PARD3: variants seen among roughly 807,000 people sequenced by gnomAD.
The protein encoded by PARD3 is partitioning defective 3 homolog.
In PARD3, 75 loss-of-function variants were observed where a neutral mutation model predicts 155.4. The observed-to-expected ratio is 0.48, with a 90% CI of 0.40 to 0.58. The LOEUF (loss-of-function observed/expected upper bound fraction) is 0.58, where lower values mean the gene tolerates loss of function less well. PARD3 is among the 20% of genes least tolerant of loss of function. The pLI, the probability that PARD3 is intolerant of heterozygous loss-of-function variation, is 0.00. For missense variants in PARD3, 1,642 were observed against 1,721.7 expected, an observed-to-expected ratio of 0.95 and a Z score of 0.82; for synonymous variants, 576 against 610.5, an observed-to-expected ratio of 0.94 and a Z score of 0.83.
intron 2 of PARD3, among the ~76,000 whole-genome samples, chr10:34,571,269 A>C (rs1439167033): frequency 6.6e-6 from 1 of 152,150 alleles, no homozygotes; most frequent in Admixed American, 6.6e-5. Flanking sequence ...AGCTATGATC[A>C]CCTCACTGCA....
intron 22 of PARD3, among the ~76,000 whole-genome samples, chr10:34,230,497 T>C (rs953029807): frequency 2.7e-4 from 41 of 152,136 alleles, no homozygotes; most frequent in African/African-American, 9.4e-4. Context: ...CTGAAAGTTT[T>C]CCATACCTAG....
intron 5 of PARD3, among the ~76,000 whole-genome samples, chr10:34,429,552 C>CAGTTTAGTTTTGTTT (rs577728672): frequency 7.4e-6 from 1 of 134,426 alleles, no homozygotes; most frequent in African/African-American, 3.0e-5. Flanking sequence ...CACTCTAACT[C>CAGTTTAGTTTTGTTT]AGTTTTGTTT....
At chr10:34,355,255 A>G (rs1160467227) in intron 14 of PARD3, among the ~76,000 whole-genome samples, 1 of 152,088 alleles carries the variant, frequency 6.6e-6, no homozygotes, top group Non-Finnish European at 1.5e-5. Context: ...TGAGCATGGG[A>G]AGTCGAGGCT....
chr10:34,771,111 G>A (rs74412070), intron 1 of PARD3, among the ~76,000 whole-genome samples: 3,572 of 152,288 alleles, frequency 0.023, 142 homozygotes, highest in African/African-American at 0.082. Flanking sequence ...TTGAAAACAT[G>A]CAAGCCCTGT....
intron 2 of PARD3, among the ~76,000 whole-genome samples, chr10:34,574,985 C>T (rs1442936141): frequency 1.3e-5 from 2 of 152,012 alleles, no homozygotes; most frequent in African/African-American, 4.8e-5. Flanking sequence ...AATGGTTCTC[C>T]TCCCCTCCCC....
chr10:34,751,094 C>T (rs887196500), intron 1 of PARD3, among the ~76,000 whole-genome samples: 2 of 152,244 alleles, frequency 1.3e-5, no homozygotes, highest in African/African-American at 2.4e-5. Context: ...GGTTCACACC[C>T]GTCACTTCCA....
chr10:34,665,268 T>C (rs1307156120), intron 2 of PARD3, among the ~76,000 whole-genome samples: 2 of 151,936 alleles, frequency 1.3e-5, no homozygotes, highest in Admixed American at 6.6e-5. Context: ...TCCCAGCACT[T>C]TGGGAGGCCG....
At chr10:34,190,491 T>C (rs1950656542) in intron 22 of PARD3, among the ~76,000 whole-genome samples, 1 of 152,196 alleles carries the variant, frequency 6.6e-6, no homozygotes, top group Non-Finnish European at 1.5e-5. Flanking sequence ...GTGGGAAATA[T>C]CAACAGATAT....
rs552699537 is a variant in PARD3, at chr10:34,748,697, G to A, written c.121-52278C>T. On this transcript the variant is annotated intron_variant, in intron 1 of 24. Transcript: ENST00000374788. ...AGCAAAAGCCTGGCTCACCTCCTCC[G>A]TAACACTGGCCAAGAACCACAAGGA... Among the ~76,000 whole-genome samples, 7 of 152,052 alleles carry A rather than the reference G, an allele frequency of 4.6e-5. 1 individual carries two copies. The highest frequency in any genetic ancestry group is 1.2e-4 in the African/African-American group (5 of 41,474).
chr10:34,469,777 G>C (rs2078234329), intron 4 of PARD3, among the ~76,000 whole-genome samples: 2 of 152,152 alleles, frequency 1.3e-5, no homozygotes, highest in African/African-American at 2.4e-5. Context: ...CAGCAAGAAA[G>C]GGACTTTATA....
At chr10:34,145,220 T>A (rs1168093970) in intron 22 of PARD3, among the ~76,000 whole-genome samples, 1 of 58,190 alleles carries the variant, frequency 1.7e-5, no homozygotes, top group Non-Finnish European at 3.4e-5. Context: ...TATATATATA[T>A]ATTTTTTTTT....
chr10:34,359,832 T>A (rs991176317), intron 13 of PARD3, among the ~76,000 whole-genome samples: 1 of 152,198 alleles, frequency 6.6e-6, no homozygotes, highest in African/African-American at 2.4e-5. Context: ...ATTGATTAAC[T>A]TCATTTAACT....
chr10:34,317,811 A>G (rs1284876595), intron 19 of PARD3, among the ~76,000 whole-genome samples: 3 of 152,232 alleles, frequency 2.0e-5, no homozygotes, highest in Non-Finnish European at 2.9e-5. Context: ...TACACCATTC[A>G]ATGTCAGCAC....
At chr10:34,381,159 C>T (rs1841780716) in intron 9 of PARD3, among the ~76,000 whole-genome samples, 1 of 152,160 alleles carries the variant, frequency 6.6e-6, no homozygotes, top group Admixed American at 6.5e-5. Flanking sequence ...AAACAGCAGT[C>T]TCAGAGTTTA....
intron 22 of PARD3, among the ~76,000 whole-genome samples, chr10:34,267,062 A>T (rs577139563): frequency 1.3e-5 from 2 of 152,160 alleles, no homozygotes; most frequent in South Asian, 4.2e-4. Flanking sequence ...TTCAAAGTGG[A>T]TGTGGAAGGT....
intron 5 of PARD3, among the ~76,000 whole-genome samples, chr10:34,441,178 G>C (rs893899055): frequency 2.6e-5 from 4 of 152,120 alleles, no homozygotes; most frequent in African/African-American, 9.7e-5. Context: ...CAATATGCAA[G>C]GAGAAAAACA....
At chr10:34,495,656 A>G (rs2080227594) in intron 3 of PARD3, among the ~76,000 whole-genome samples, 1 of 152,210 alleles carries the variant, frequency 6.6e-6, no homozygotes, top group South Asian at 2.1e-4. Flanking sequence ...GAAGAGCATG[A>G]AACACACTGT....
chr10:34,667,970 T>C (rs895960739), intron 2 of PARD3, among the ~76,000 whole-genome samples: 1 of 152,074 alleles, frequency 6.6e-6, no homozygotes, highest in African/African-American at 2.4e-5. Context: ...GAAGAGGAGG[T>C]GCAGTACACT....
intron 5 of PARD3, among the ~76,000 whole-genome samples, chr10:34,447,641 A>C (rs1011352405): frequency 6.7e-6 from 1 of 150,328 alleles, no homozygotes; most frequent in African/African-American, 2.5e-5. Context: ...TCTCTACTAA[A>C]AATACAAAAA....
Sources: gnomAD v4.1 joint callset for allele counts (sites outside exome capture counted in the v4.1 genomes callset) on GRCh38, gnomAD v4.1.1 for gene constraint, MANE v1.5 for transcripts, NCBI Gene and HGNC (gene_info 2026-07-23, HGNC 2026-07-21) for gene names.